Variants in MAD1L1 observed in about 807,000 individuals in gnomAD.
The protein encoded by MAD1L1 is mitotic spindle assembly checkpoint protein MAD1.
A neutral mutation model predicts 96.9 loss-of-function variants in MAD1L1; 95 were observed. The ratio of observed to expected loss-of-function variants is 0.98; its 90% CI spans 0.83 to 1.16. MAD1L1 has a LOEUF of 1.16. MAD1L1 is among the 50% of genes most tolerant of loss of function. The probability of loss-of-function intolerance (pLI) is 0.00; values close to 1 mark genes in which losing one functional copy is unlikely to be tolerated. For synonymous variants in MAD1L1, 473 were observed against 396.6 expected (o/e 1.19, Z -2.29); for missense variants, 1,007 against 954.4 (o/e 1.06, Z -0.73).
At chr7:1,856,267 C>A (rs1272289360) in intron 18 of MAD1L1, among the ~76,000 whole-genome samples, 4 of 152,098 alleles carry the variant, frequency 2.6e-5, no homozygotes, top group Non-Finnish European at 5.9e-5. Context: ...TCGGGTTGGG[C>A]GCAGGGAGAA....
At chr7:2,164,927 G>A (rs1790351256) in intron 10 of MAD1L1, among the ~76,000 whole-genome samples, 1 of 152,236 alleles carries the variant, frequency 6.6e-6, no homozygotes, top group Non-Finnish European at 1.5e-5. Flanking sequence ...CGGATCTGGA[G>A]AAGAGTGGAA....
At chr7:1,878,500 TA>T (rs139928265) in intron 18 of MAD1L1, among the ~76,000 whole-genome samples, 2 of 151,082 alleles carry the variant, frequency 1.3e-5, no homozygotes, top group African/African-American at 2.4e-5. Flanking sequence ...GGTTTAACAT[TA>T]AAAAAAATCA....
At chr7:1,899,617 G>A (rs552995168) in intron 17 of MAD1L1, among the ~76,000 whole-genome samples, 51 of 152,314 alleles carry the variant, frequency 3.3e-4, no homozygotes, top group African/African-American at 1.2e-3. Context: ...AGCGCCCGGG[G>A]GGAGGCTGGT....
chr7:2,057,848 G>A (rs1249344022), intron 12 of MAD1L1, among the ~76,000 whole-genome samples: 2 of 152,314 alleles, frequency 1.3e-5, no homozygotes, highest in African/African-American at 2.4e-5. Flanking sequence ...CACACACCAC[G>A]CTTACTGATG....
At chr7:1,931,417 A>G (rs749484727) in intron 17 of MAD1L1, among the ~76,000 whole-genome samples, 7 of 152,216 alleles carry the variant, frequency 4.6e-5, no homozygotes, top group Non-Finnish European at 1.0e-4. Flanking sequence ...TTACATGCAC[A>G]TGAGTTAAGA....
intron 13 of MAD1L1, among the ~76,000 whole-genome samples, chr7:2,006,908 CACCAGAT>C (rs1411631397): frequency 6.6e-6 from 1 of 152,180 alleles, no homozygotes; most frequent in African/African-American, 2.4e-5. Flanking sequence ...AGTCCCCAGA[CACCAGAT>C]ACAACACAAG....
At chr7:2,169,030 T>A (rs966472675) in intron 10 of MAD1L1, among the ~76,000 whole-genome samples, 1 of 152,232 alleles carries the variant, frequency 6.6e-6, no homozygotes, top group African/African-American at 2.4e-5. Flanking sequence ...TGCAAAAATG[T>A]GTACCCGGTG....
intron 18 of MAD1L1, among the ~76,000 whole-genome samples, chr7:1,863,340 C>T (rs976461199): frequency 6.6e-6 from 1 of 152,266 alleles, no homozygotes. Context: ...AGCCTGTTAA[C>T]AGTCTGGCTG....
intron 18 of MAD1L1, among the ~76,000 whole-genome samples, chr7:1,888,854 C>T (rs1000704238): frequency 1.3e-5 from 2 of 152,202 alleles, no homozygotes; most frequent in Admixed American, 6.5e-5. Context: ...TCAGTGGGAG[C>T]GTGCATGATG....
chr7:1,941,215 A>G (rs1160972486), intron 16 of MAD1L1, among the ~76,000 whole-genome samples: 1 of 152,134 alleles, frequency 6.6e-6, no homozygotes, highest in Non-Finnish European at 1.5e-5. Context: ...GAGGACGTCA[A>G]GTTCCCCGGG....
chr7:2,184,247 G>T (rs1362594599), intron 10 of MAD1L1, among the ~76,000 whole-genome samples: 2 of 151,764 alleles, frequency 1.3e-5, no homozygotes, highest in Admixed American at 6.6e-5. Flanking sequence ...GCGAGACTCT[G>T]TCTCAAATAA....
chr7:1,837,457 G>A (rs1782993222), intron 18 of MAD1L1, among the ~76,000 whole-genome samples: 1 of 152,218 alleles, frequency 6.6e-6, no homozygotes, highest in South Asian at 2.1e-4. Flanking sequence ...ATTTAGCCAA[G>A]AGAAAAGAAA....
At chr7:2,133,014 C>T (rs1028479736) in intron 11 of MAD1L1, among the ~76,000 whole-genome samples, 1 of 152,262 alleles carries the variant, frequency 6.6e-6, no homozygotes, top group South Asian at 2.1e-4. Flanking sequence ...CCTGCGTCTG[C>T]TTTGGTGAGG....
chr7:2,015,318 G>A (rs913664235), intron 12 of MAD1L1, among the ~76,000 whole-genome samples: 4 of 152,180 alleles, frequency 2.6e-5, no homozygotes, highest in Admixed American at 2.0e-4. Context: ...CCAGGATGTC[G>A]GAGGCCACAC....
intron 16 of MAD1L1, among the ~76,000 whole-genome samples, chr7:1,941,346 TC>T (rs568271239): frequency 3.3e-5 from 5 of 152,044 alleles, no homozygotes; most frequent in African/African-American, 1.2e-4. Flanking sequence ...GGATGAGGTT[TC>T]CCCCCTGATG....
chr7:2,048,859 G>C (rs376486574), intron 12 of MAD1L1, among the ~76,000 whole-genome samples: 12 of 152,208 alleles, frequency 7.9e-5, no homozygotes, highest in African/African-American at 2.7e-4. Context: ...AGGCCTTCTC[G>C]AGGCGAAGAG....
At chr7:2,214,599 A>G (rs1192560584) in intron 9 of MAD1L1, among the ~76,000 whole-genome samples, 1 of 152,128 alleles carries the variant, frequency 6.6e-6, no homozygotes, top group Admixed American at 6.5e-5. Context: ...TAGGTGTGCC[A>G]GGCACAGAGG....
chr7:2,145,289 C>T lies in MAD1L1; in HGVS notation c.1073+3863G>A, dbSNP rs111572045. Among the ~76,000 whole-genome samples the T allele has an allele frequency of 8.6e-3, 1,315 of 152,364 alleles. 11 individuals carry two copies. Among genetic ancestry groups the T allele is most frequent in the Non-Finnish European group, 0.015 (1,041 of 68,040 alleles). ...TTCCAGTGCAGCACCTGAGCAAACC[C>T]GCATAAAGCTAACAAGCAGGCTCCT... On this transcript the variant is annotated intron_variant, in intron 11 of 18. Coordinates refer to ENST00000265854, the MANE Select transcript of MAD1L1 (RefSeq NM_001013836.2).
chr7:1,908,891 G>A (rs556975009), intron 17 of MAD1L1, among the ~76,000 whole-genome samples: 18 of 152,196 alleles, frequency 1.2e-4, no homozygotes, highest in Admixed American at 5.9e-4. Flanking sequence ...CCCACCTCTC[G>A]TTAGATGTCT....
Sources: gnomAD v4.1 joint callset for allele counts (sites outside exome capture counted in the v4.1 genomes callset) on GRCh38, gnomAD v4.1.1 for gene constraint, MANE v1.5 for transcripts, NCBI Gene and HGNC (gene_info 2026-07-23, HGNC 2026-07-21) for gene names.